The following CACNG5 variants were observed in gnomAD, a reference collection of about 807,000 sequenced individuals.
The protein encoded by CACNG5 is voltage-dependent calcium channel gamma-5 subunit.
A neutral mutation model predicts 24.8 loss-of-function variants in CACNG5; 18 were observed. That is an observed-to-expected ratio of 0.73 (90% CI 0.50 to 1.08). CACNG5 has a LOEUF of 1.08. Ranked by LOEUF, CACNG5 falls within the 50% of genes least tolerant of loss-of-function variation. The probability of loss-of-function intolerance (pLI) is 0.00; values close to 1 mark genes in which losing one functional copy is unlikely to be tolerated. For synonymous variants in CACNG5, 157 were observed against 149.1 expected, an observed-to-expected ratio of 1.05 and a Z score of -0.39; for missense variants, 349 against 367.9, an observed-to-expected ratio of 0.95 and a Z score of 0.42.
chr17:66,875,426 T>C (rs1368683305), intron 1 of CACNG5, among the ~76,000 whole-genome samples: 1 of 152,146 alleles, frequency 6.6e-6, no homozygotes, highest in Non-Finnish European at 1.5e-5. Context: ...AGGAAGCCAA[T>C]ATATGGCTCA....
chr17:66,835,812 C>G (rs1251979358), intron 1 of CACNG5, among the ~76,000 whole-genome samples: 1 of 151,990 alleles, frequency 6.6e-6, no homozygotes, highest in South Asian at 2.1e-4. Context: ...GAGATGGACT[C>G]GCGGGGGTGA....
At chr17:66,870,449 C>A (rs905190666) in intron 1 of CACNG5, among the ~76,000 whole-genome samples, 2 of 152,184 alleles carry the variant, frequency 1.3e-5, no homozygotes, top group Non-Finnish European at 2.9e-5. Context: ...AGAGTGCTAC[C>A]AACATCTGGT....
intron 1 of CACNG5, among the ~76,000 whole-genome samples, chr17:66,861,496 C>T (rs564628703): frequency 1.1e-4 from 17 of 152,286 alleles, no homozygotes; most frequent in African/African-American, 3.9e-4. Flanking sequence ...GTGTCTGGCA[C>T]GTGGTCCTGG....
chr17:66,862,892 CTGTGTGTGTGTGTGTGTGTG>C (rs56308917), intron 1 of CACNG5, among the ~76,000 whole-genome samples: 4 of 142,172 alleles, frequency 2.8e-5, no homozygotes, highest in Non-Finnish European at 6.1e-5. Flanking sequence ...AGCATATTCT[CTGTGTGTGTGTGTGTGTGTG>C]TGTGTGTGTG....
At chr17:66,838,220 C>T (rs1044526978) in intron 1 of CACNG5, among the ~76,000 whole-genome samples, 1 of 151,702 alleles carries the variant, frequency 6.6e-6, no homozygotes, top group African/African-American at 2.4e-5. Flanking sequence ...TGAAAATTCC[C>T]CTGTCACTCC....
intron 4 of CACNG5, 52 bp downstream of exon 4, chr17:66,880,749 T>G (rs1179415916): frequency 6.2e-7 from 1 of 1,600,542 alleles, no homozygotes; most frequent in Non-Finnish European, 8.5e-7. Flanking sequence ...TGTTTTTTGT[T>G]TTTTGTTTTT....
rs760940380 is a variant in CACNG5, at chr17:66,884,784, C to G, written c.570+123C>G. ...CATTTTGGACCCCGGACCACCCACT[C>G]TACTTCCCTTCCTCATCCCAGAATG... On this transcript the variant is annotated intron_variant, in intron 5 of 5. Transcript: ENST00000533854. 5.6e-6 allele frequency: 9 copies of G among 1,613,362 alleles called. No homozygotes were observed. In the South Asian group the frequency reaches 7.7e-5, roughly 14 times the overall value.
At chr17:66,854,695 A>G (rs1976748490) in intron 1 of CACNG5, among the ~76,000 whole-genome samples, 1 of 151,972 alleles carries the variant, frequency 6.6e-6, no homozygotes, top group Non-Finnish European at 1.5e-5. Flanking sequence ...ACTCTGTCTC[A>G]AAAAAAAGAA....
At chr17:66,843,262 G>A (rs1320361979) in intron 1 of CACNG5, among the ~76,000 whole-genome samples, 1 of 152,148 alleles carries the variant, frequency 6.6e-6, no homozygotes, top group Non-Finnish European at 1.5e-5. Context: ...AGCTTTCACT[G>A]TGCCACTCTG....
At position 66,847,392 on chromosome 17, in the gene CACNG5, G is replaced by A. The variant is rs539406977; in HGVS notation, c.-104+12142G>A. 2.6e-5 allele frequency among the ~76,000 whole-genome samples: 4 copies of A among 152,304 alleles called. No homozygotes were observed. The South Asian group carries it at 8.3e-4, about 32-fold the overall frequency. On this transcript the variant is annotated intron_variant, in intron 1 of 5. Transcript: ENST00000533854. ...AATGGACTCAGAGTTCCACATAGCT[G>A]GGGAGCCCTCACAATCATGGTAGAA...
intron 1 of CACNG5, among the ~76,000 whole-genome samples, chr17:66,847,151 A>G (rs760776612): frequency 1.3e-5 from 2 of 152,104 alleles, no homozygotes; most frequent in African/African-American, 2.4e-5. Flanking sequence ...AAGGAGCTCC[A>G]TTCTGTTCTT....
intron 1 of CACNG5, among the ~76,000 whole-genome samples, chr17:66,870,635 G>A (rs141833849): frequency 2.0e-4 from 31 of 152,236 alleles, no homozygotes; most frequent in East Asian, 1.5e-3. Flanking sequence ...CTGAGTGAAC[G>A]CCAGAGAAAA....
chr17:66,853,267 G>C (rs546447233), intron 1 of CACNG5, among the ~76,000 whole-genome samples: 1 of 152,290 alleles, frequency 6.6e-6, no homozygotes, highest in Non-Finnish European at 1.5e-5. Context: ...TTGGACACTG[G>C]GGTTGTTTCT....
chr17:66,863,394 T>A (rs1445262511), intron 1 of CACNG5, among the ~76,000 whole-genome samples: 1 of 151,940 alleles, frequency 6.6e-6, no homozygotes, highest in East Asian at 1.9e-4. Context: ...TCAGATGGAG[T>A]CTCACTTTGT....
At chr17:66,840,104 C>G (rs1311650554) in intron 1 of CACNG5, among the ~76,000 whole-genome samples, 3 of 152,206 alleles carry the variant, frequency 2.0e-5, no homozygotes, top group Admixed American at 6.5e-5. Flanking sequence ...GACCGGTGAT[C>G]TCCGCTTTGC....
At chr17:66,858,036 C>CA (rs1976805358) in intron 1 of CACNG5, among the ~76,000 whole-genome samples, 1 of 152,214 alleles carries the variant, frequency 6.6e-6, no homozygotes, top group African/African-American at 2.4e-5. Flanking sequence ...AGGTCATGGG[C>CA]ACACCATGCC....
intron 1 of CACNG5, among the ~76,000 whole-genome samples, chr17:66,837,788 C>T (rs78792377): frequency 0.085 from 12,975 of 151,932 alleles, 743 homozygotes; most frequent in Middle Eastern, 0.18. Flanking sequence ...GGAGAGAGAA[C>T]ATTGTACTTT....
chr17:66,883,625 C>CA (rs1010742010), intron 4 of CACNG5, among the ~76,000 whole-genome samples: 3 of 152,132 alleles, frequency 2.0e-5, no homozygotes, highest in Non-Finnish European at 4.4e-5. Context: ...TAAAGTTTGC[C>CA]AAAATCTGGA....
Position 66,890,269 on chromosome 17 carries a change from C to T in CACNG5, c.*5029C>T, listed in dbSNP as rs1977324284. Among the ~76,000 whole-genome samples, 1 of 152,184 alleles carries T rather than the reference C, an allele frequency of 6.6e-6. No homozygotes were observed. The highest frequency in any genetic ancestry group is 2.4e-5 in the African/African-American group (1 of 41,444). On this transcript the variant is annotated 3_prime_UTR_variant, in exon 6 of 6. Transcript: ENST00000533854. ...CCAGTGTGCCATAGAAGAGACGAGG[C>T]TCAGTGGTCACCACTACAGGGGGTG...
Sources: gnomAD v4.1 joint callset for allele counts (sites outside exome capture counted in the v4.1 genomes callset) on GRCh38, gnomAD v4.1.1 for gene constraint, MANE v1.5 for transcripts, NCBI Gene and HGNC (gene_info 2026-07-23, HGNC 2026-07-21) for gene names.